DPP10: variants seen among roughly 807,000 people sequenced by gnomAD.
The protein encoded by DPP10 is dipeptidyl peptidase like 10, also known as inactive dipeptidyl peptidase 10.
Under a neutral mutation model 120.9 loss-of-function variants are expected in DPP10, and 33 were observed. That is an observed-to-expected ratio of 0.27 (90% CI 0.21 to 0.37). DPP10 has a LOEUF of 0.37. Among genes scored for constraint, DPP10 ranks in the 10% least tolerant of loss-of-function variants. DPP10 has a pLI of 1.00. For synonymous variants in DPP10, 337 were observed against 326.1 expected (o/e 1.03, Z -0.36); for missense variants, 816 against 942.8 (o/e 0.87, Z 1.76).
chr2:114,961,236 T>C (rs2104717490), intron 1 of DPP10, among the ~76,000 whole-genome samples: 1 of 151,948 alleles, frequency 6.6e-6, no homozygotes, highest in East Asian at 1.9e-4. Context: ...GTATTTTTAG[T>C]AGAGACGAGG....
At position 114,525,064 on chromosome 2, in the gene DPP10, C is replaced by T. The variant is rs138510472; in HGVS notation, c.60+82226C>T. 4.0e-3 allele frequency among the ~76,000 whole-genome samples: 614 copies of T among 152,288 alleles called. 4 individuals carry two copies. Among genetic ancestry groups the T allele is most frequent in the Middle Eastern group, 0.01 (3 of 294 alleles). On this transcript the variant is annotated intron_variant, in intron 1 of 25. Transcript: ENST00000410059. Reference sequence around the variant, plus strand: ...TGTGGAAGGCTTGCCAGTATATTAGCAATACCTTCCCTCTACCCTTTGAGT... The same window carrying T: ...TGTGGAAGGCTTGCCAGTATATTAGTAATACCTTCCCTCTACCCTTTGAGT...
intron 1 of DPP10, among the ~76,000 whole-genome samples, chr2:114,931,033 C>A (rs12468637): frequency 0.24 from 37,129 of 152,086 alleles, 4,649 homozygotes; most frequent in Middle Eastern, 0.38. Flanking sequence ...CAAACTATAC[C>A]AACCACTTAA....
chr2:114,920,720 A>G lies in DPP10; in HGVS notation c.61-388519A>G, dbSNP rs556868670. On this transcript the variant is annotated intron_variant, in intron 1 of 25. Transcript: ENST00000410059. The stretch of plus-strand genomic sequence containing the variant: ...CATAAACATTTTACAAGAAATGGAA[A>G]CCCTACCATATTTGCAATCTGACCT... Among the ~76,000 whole-genome samples the G allele has an allele frequency of 7.2e-5, 11 of 152,302 alleles. No homozygotes were observed. The South Asian group carries it at 1.7e-3, about 23-fold the overall frequency.
chr2:114,653,397 C>T (rs994280446), intron 1 of DPP10, among the ~76,000 whole-genome samples: 11 of 152,050 alleles, frequency 7.2e-5, no homozygotes, highest in African/African-American at 1.7e-4. Flanking sequence ...CTGTGGAAAC[C>T]GATTTTGGAC....
intron 5 of DPP10, among the ~76,000 whole-genome samples, chr2:115,665,992 C>T (rs575390606): frequency 6.6e-6 from 1 of 151,818 alleles, no homozygotes; most frequent in South Asian, 2.1e-4. Context: ...ATTTCATCAC[C>T]CAGGTAATAA....
intron 1 of DPP10, among the ~76,000 whole-genome samples, chr2:114,950,631 C>A (rs1475971370): frequency 6.6e-6 from 1 of 151,638 alleles, no homozygotes; most frequent in Non-Finnish European, 1.5e-5. Context: ...ACTTAGAACA[C>A]CTTTGGGTTT....
chr2:115,285,189 TAC>T (rs1215984924), intron 1 of DPP10, among the ~76,000 whole-genome samples: 3 of 152,058 alleles, frequency 2.0e-5, no homozygotes, highest in Admixed American at 2.0e-4. Context: ...TACGTCTCTC[TAC>T]AGTGACATAC....
intron 1 of DPP10, among the ~76,000 whole-genome samples, chr2:115,221,042 G>A (rs1638292262): frequency 1.3e-5 from 2 of 151,990 alleles, no homozygotes; most frequent in African/African-American, 4.8e-5. Flanking sequence ...GTTACAAAGT[G>A]TTCAATTCAG....
intron 1 of DPP10, among the ~76,000 whole-genome samples, chr2:115,059,278 A>C (rs1299838473): frequency 6.6e-6 from 1 of 152,112 alleles, no homozygotes; most frequent in Admixed American, 6.6e-5. Context: ...TAAATCACGC[A>C]AGTTTTAAAG....
intron 5 of DPP10, 25 bp from the exon 6 acceptor site, chr2:115,689,662 A>C: frequency 1.4e-6 from 2 of 1,382,362 alleles, no homozygotes; most frequent in Non-Finnish European, 2.0e-6. Flanking sequence ...AGCTATGATC[A>C]ATAATGTTTC....
intron 1 of DPP10, among the ~76,000 whole-genome samples, chr2:115,099,882 TC>T (rs972816485): frequency 6.6e-6 from 1 of 152,210 alleles, no homozygotes; most frequent in Non-Finnish European, 1.5e-5. Context: ...CTGCCACATC[TC>T]CTTTGCTGCA....
At position 115,422,855 on chromosome 2, in the gene DPP10, A is replaced by T. The variant is rs115036024; in HGVS notation, c.272-76655A>T. Among the ~76,000 whole-genome samples the T allele has an allele frequency of 3.7e-3, 561 of 152,238 alleles. 3 individuals are homozygous for T. The highest frequency in any genetic ancestry group is 0.013 in the African/African-American group (549 of 41,554). Reference sequence around the variant, plus strand: ...ATATGGAAAACTTTTTAATATCTACATAAGGGATTCACATTCGAAGGGATT... The same window carrying T: ...ATATGGAAAACTTTTTAATATCTACTTAAGGGATTCACATTCGAAGGGATT... On this transcript the variant is annotated intron_variant, in intron 3 of 25. Transcript: ENST00000410059.
At chr2:114,807,416 C>A (rs1319510622) in intron 1 of DPP10, among the ~76,000 whole-genome samples, 1 of 152,126 alleles carries the variant, frequency 6.6e-6, no homozygotes, top group Non-Finnish European at 1.5e-5. Flanking sequence ...CATTACAATT[C>A]TTCTCTTCCA....
intron 3 of DPP10, among the ~76,000 whole-genome samples, chr2:115,442,417 T>C (rs2104882972): frequency 6.6e-6 from 1 of 151,780 alleles, no homozygotes; most frequent in East Asian, 1.9e-4. Flanking sequence ...AATCTCTAGG[T>C]GTTATTTTAG....
chr2:114,802,105 C>T (rs936820835), intron 1 of DPP10, among the ~76,000 whole-genome samples: 1 of 151,726 alleles, frequency 6.6e-6, no homozygotes, highest in Non-Finnish European at 1.5e-5. Flanking sequence ...ATGTGTCAGC[C>T]TGGTAAAGAC....
intron 14 of DPP10, among the ~76,000 whole-genome samples, chr2:115,777,569 AAT>A (rs1682265958): frequency 6.6e-6 from 1 of 152,128 alleles, no homozygotes; most frequent in Non-Finnish European, 1.5e-5. Flanking sequence ...AGGGGAAAAA[AAT>A]ATGTTTCCTA....
At chr2:115,753,444 A>G (rs962176002) in intron 11 of DPP10, 147 bp downstream of exon 11, 12 of 702,246 alleles carry the variant, frequency 1.7e-5, no homozygotes, top group Admixed American at 1.1e-4. Context: ...TTAAGAATAT[A>G]TACTTTAATT....
intron 5 of DPP10, among the ~76,000 whole-genome samples, chr2:115,545,694 A>G (rs2079458979): frequency 6.6e-6 from 1 of 152,150 alleles, no homozygotes; most frequent in Non-Finnish European, 1.5e-5. Context: ...ATGAAATTAA[A>G]TCACAAATCC....
At chr2:115,828,677 A>G (rs1167359477) in intron 21 of DPP10, among the ~76,000 whole-genome samples, 3 of 152,130 alleles carry the variant, frequency 2.0e-5, no homozygotes, top group Non-Finnish European at 4.4e-5. Context: ...TTCAGGGATC[A>G]ATGTCCTTCA....
Sources: gnomAD v4.1 joint callset for allele counts (sites outside exome capture counted in the v4.1 genomes callset) on GRCh38, gnomAD v4.1.1 for gene constraint, MANE v1.5 for transcripts, NCBI Gene and HGNC (gene_info 2026-07-23, HGNC 2026-07-21) for gene names.